GALNT5: variants seen among roughly 807,000 people sequenced by gnomAD.
The protein encoded by GALNT5 is polypeptide N-acetylgalactosaminyltransferase 5, also known as UDP-GalNAc:polypeptide N-acetylgalactosaminyltransferase 5.
Under a neutral mutation model 85.4 loss-of-function variants are expected in GALNT5, and 72 were observed. The ratio of observed to expected loss-of-function variants is 0.84; its 90% CI spans 0.70 to 1.03. The LOEUF (loss-of-function observed/expected upper bound fraction) is 1.03, where lower values mean the gene tolerates loss of function less well. GALNT5 is among the 50% of genes least tolerant of loss of function. The probability of loss-of-function intolerance (pLI) is 0.00; values close to 1 mark genes in which losing one functional copy is unlikely to be tolerated. For synonymous variants in GALNT5, 404 were observed against 397.0 expected (o/e 1.02, Z -0.21); for missense variants, 1,137 against 1,135.5 (o/e 1.00, Z -0.02).
chr2:157,284,650 T>C (rs16841482), intron 2 of GALNT5, among the ~76,000 whole-genome samples: 1,772 of 152,366 alleles, frequency 0.012, 37 homozygotes, highest in African/African-American at 0.04. Flanking sequence ...GTTCAGTTAG[T>C]TGTCTCAGTT....
intron 1 of GALNT5, among the ~76,000 whole-genome samples, chr2:157,265,585 T>C (rs913225753): frequency 1.3e-5 from 2 of 152,224 alleles, no homozygotes; most frequent in Non-Finnish European, 2.9e-5. Context: ...CTTTTTCATA[T>C]ACGGAACACA....
At chr2:157,310,743 G>T (rs1683551729) in intron 9 of GALNT5, among the ~76,000 whole-genome samples, 1 of 152,118 alleles carries the variant, frequency 6.6e-6, no homozygotes, top group Non-Finnish European at 1.5e-5. Context: ...TGAATTGTCA[G>T]AGATTATGGT....
chr2:157,303,009 G>A (rs2121346), intron 7 of GALNT5, among the ~76,000 whole-genome samples: 2 of 152,060 alleles, frequency 1.3e-5, no homozygotes, highest in Admixed American at 6.6e-5. Context: ...ATAGACAATC[G>A]TGGAAAGTTC....
At chr2:157,286,360 C>T (rs1682971162) in intron 3 of GALNT5, among the ~76,000 whole-genome samples, 1 of 152,180 alleles carries the variant, frequency 6.6e-6, no homozygotes, top group Non-Finnish European at 1.5e-5. Flanking sequence ...TTACAGACAT[C>T]ATCATACTGC....
At chr2:157,293,023 T>C (rs1222286191) in intron 3 of GALNT5, among the ~76,000 whole-genome samples, 1 of 152,146 alleles carries the variant, frequency 6.6e-6, no homozygotes, top group African/African-American at 2.4e-5. Context: ...TCTACTACAT[T>C]GTATACCACT....
chr2:157,262,207 T>TAAAAAAAAAA (rs535714685), intron 1 of GALNT5, among the ~76,000 whole-genome samples: 1 of 97,840 alleles, frequency 1.0e-5, no homozygotes, highest in Non-Finnish European at 2.4e-5. Context: ...CCAAAAAATG[T>TAAAAAAAAAA]AAAAAAAAAA....
In GALNT5 at chr2:157,278,633, G is replaced by A. The variant is rs535591275; in HGVS notation, c.1455-5649G>A. ...CTATTGAAGCTTGTGCATGCATCACGAAGTTCTCTTGCCATGGTTTTCAGC... is the reference window on the plus strand; with the variant it reads ...CTATTGAAGCTTGTGCATGCATCACAAAGTTCTCTTGCCATGGTTTTCAGC... On this transcript the variant is annotated intron_variant, in intron 1 of 9. Transcript: ENST00000259056. Among the ~76,000 whole-genome samples the A allele has an allele frequency of 1.8e-4, 27 of 152,136 alleles. 1 individual carries two copies. The highest frequency in any genetic ancestry group is 2.6e-4 in the African/African-American group (11 of 41,514).
In GALNT5 at chr2:157,284,283, T is replaced by C; in HGVS notation, c.1456T>C (p.Cys486Arg). 1.9e-6 allele frequency: 3 copies of C among 1,613,582 alleles called. No homozygotes were observed. Among genetic ancestry groups the C allele is most frequent in the Non-Finnish European group, 2.5e-6 (3 of 1,179,600 alleles). Residue 486 changes from cysteine (C) to arginine (R), a missense_variant and splice_region_variant, in exon 2 of 10, where the codon TGT (cysteine) becomes CGT (arginine). Transcript: ENST00000259056. ...TGCTCTGCTTATATTCTGGCCCAGA[T>C]GTGCAGAGCAGCTAGTTCACAATAA... ...RAIEDTRPAG[C>R]AEQLVHNNLP...
At chr2:157,276,022 T>C (rs1574017678) in intron 1 of GALNT5, among the ~76,000 whole-genome samples, 1 of 152,224 alleles carries the variant, frequency 6.6e-6, no homozygotes, top group East Asian at 1.9e-4. Context: ...TGAGAGTTTT[T>C]AGCATGAAGG....
intron 1 of GALNT5, among the ~76,000 whole-genome samples, chr2:157,267,133 G>A (rs1426087111): frequency 1.3e-5 from 2 of 152,188 alleles, no homozygotes; most frequent in Non-Finnish European, 2.9e-5. Flanking sequence ...CCTGTCCTGG[G>A]AGAGAACAAA....
intron 7 of GALNT5, among the ~76,000 whole-genome samples, chr2:157,303,820 AAAATAGACAC>A (rs1683398386): frequency 6.6e-6 from 1 of 152,240 alleles, no homozygotes; most frequent in South Asian, 2.1e-4. Flanking sequence ...AGGATTATAC[AAAATAGACAC>A]AAATAGTTAA....
At chr2:157,264,174 TACACACAC>T (rs59575957) in intron 1 of GALNT5, among the ~76,000 whole-genome samples, 63 of 144,702 alleles carry the variant, frequency 4.4e-4, no homozygotes, top group African/African-American at 1.4e-3. Flanking sequence ...TCAACACACA[TACACACAC>T]ACACACACAC....
chr2:157,314,560 T>C lies in GALNT5; in HGVS notation c.*3212T>C, dbSNP rs572351619. On this transcript the variant is annotated 3_prime_UTR_variant, in exon 10 of 10. Coordinates refer to ENST00000259056, the MANE Select transcript of GALNT5 (RefSeq NM_014568.3). ...TAATTTGGAAACATTCTTTTAGATATTAAAACACCTTACTTCTAGTATTAG... is the reference window on the plus strand; with the variant it reads ...TAATTTGGAAACATTCTTTTAGATACTAAAACACCTTACTTCTAGTATTAG... 6.6e-5 allele frequency among the ~76,000 whole-genome samples: 10 copies of C among 152,326 alleles called. No homozygotes were observed. The South Asian group carries it at 1.9e-3, about 28-fold the overall frequency.
rs1268697315 is a variant in GALNT5 at position 157,317,709 on chromosome 2, A to G, written c.*6361A>G. Among the ~76,000 whole-genome samples, 1 of 152,142 alleles carries G rather than the reference A, an allele frequency of 6.6e-6. No homozygotes were observed. The highest frequency in any genetic ancestry group is 2.4e-5 in the African/African-American group (1 of 41,452). Reference sequence around the variant, plus strand: ...ACTTTAAATTCTAGGTAAACATCCAAATTACTTTCTAAATTCATTTCCAAA... The same window carrying G: ...ACTTTAAATTCTAGGTAAACATCCAGATTACTTTCTAAATTCATTTCCAAA... On this transcript the variant is annotated 3_prime_UTR_variant, in exon 10 of 10. Coordinates refer to ENST00000259056, the MANE Select transcript of GALNT5 (RefSeq NM_014568.3).
At chr2:157,310,852 G>T (rs1683553410) in intron 9 of GALNT5, among the ~76,000 whole-genome samples, 1 of 152,078 alleles carries the variant, frequency 6.6e-6, no homozygotes, top group Non-Finnish European at 1.5e-5. Flanking sequence ...GTTACGGTAT[G>T]TATTCTTTCT....
At chr2:157,261,833 TA>T (rs1381974624) in intron 1 of GALNT5, among the ~76,000 whole-genome samples, 1 of 152,192 alleles carries the variant, frequency 6.6e-6, no homozygotes, top group African/African-American at 2.4e-5. Flanking sequence ...TTTGTTTTTT[TA>T]AATTTGGCTT....
At chr2:157,275,790 T>G (rs1367649816) in intron 1 of GALNT5, among the ~76,000 whole-genome samples, 1 of 152,186 alleles carries the variant, frequency 6.6e-6, no homozygotes, top group Non-Finnish European at 1.5e-5. Context: ...ATTTGACTTC[T>G]TCTTTTCCTA....
intron 3 of GALNT5, among the ~76,000 whole-genome samples, chr2:157,293,710 T>A (rs896790033): frequency 6.6e-6 from 1 of 152,180 alleles, no homozygotes; most frequent in African/African-American, 2.4e-5. Context: ...CATGCAAAAA[T>A]GCCATTGTTA....
intron 1 of GALNT5, among the ~76,000 whole-genome samples, chr2:157,278,416 T>C (rs1384346599): frequency 6.6e-6 from 1 of 152,258 alleles, no homozygotes; most frequent in East Asian, 1.9e-4. Flanking sequence ...GTTTTCCAAC[T>C]TGGTTCCATT....
Sources: allele counts gnomAD v4.1 joint callset (sites outside exome capture counted in the v4.1 genomes callset), GRCh38; gene constraint gnomAD v4.1.1; transcripts MANE v1.5; gene names NCBI Gene and HGNC (gene_info 2026-07-23, HGNC 2026-07-21).